Variants in RPN2 observed in about 807,000 individuals in gnomAD.
RPN2 encodes the protein dolichyl-diphosphooligosaccharide--protein glycosyltransferase subunit 2.
In RPN2, 29 loss-of-function variants were observed where a neutral mutation model predicts 71.4. That is an observed-to-expected ratio of 0.41 (90% CI 0.30 to 0.55). RPN2 has a LOEUF of 0.55. RPN2 is among the 20% of genes least tolerant of loss of function. RPN2 has a pLI of 0.35. For missense variants in RPN2, 726 were observed against 774.1 expected (o/e 0.94, Z 0.74); for synonymous variants, 308 against 305.0 (o/e 1.01, Z -0.10).
At chr20:37,236,550 AATTGG>A in intron 15 of RPN2, 25 bp from the exon 16 acceptor site, 1 of 1,613,208 alleles carries the variant, frequency 6.2e-7, no homozygotes, top group Non-Finnish European at 8.5e-7. Flanking sequence ...TGTTTCATTT[AATTGG>A]ATGTCATGAC....
intron 2 of RPN2, among the ~76,000 whole-genome samples, chr20:37,193,303 C>T (rs186592041): frequency 3.0e-4 from 45 of 152,232 alleles, no homozygotes; most frequent in Non-Finnish European, 5.4e-4. Flanking sequence ...TGTGATTGAT[C>T]TGAATTCTAA....
rs1344503069 is a variant in RPN2, at chr20:37,228,583, C to T, written c.1333C>T (p.Gln445Ter). 1.2e-6 allele frequency: 2 copies of T among 1,614,174 alleles called. No homozygotes were observed. Among genetic ancestry groups the T allele is most frequent in the South Asian group, 1.1e-5 (1 of 91,086 alleles). ...CCGACTCCATAACCAGAAGACTGGC[C>T]AGGAAGTGGTGTTTGTTGCCGAGCC... ...FVRLHNQKTG[Q>*]EVVFVAEPDN... The change falls in exon 12 of 17, where the codon CAG becomes TAG. Residue 445 changes from glutamine to a stop codon, truncating the protein, a stop_gained. Coordinates refer to ENST00000237530, the MANE Select transcript of RPN2 (RefSeq NM_002951.5). LOFTEE classifies it high-confidence loss of function.
At chr20:37,189,311 C>T (rs2067084331) in intron 2 of RPN2, among the ~76,000 whole-genome samples, 1 of 115,186 alleles carries the variant, frequency 8.7e-6, no homozygotes, top group Admixed American at 1.0e-4. Context: ...ATGGGCCAAA[C>T]TGTGTGTGTG....
At position 37,236,729 on chromosome 20, in the gene RPN2, A is replaced by T; in HGVS notation, c.1883+20A>T. 6.2e-7 allele frequency: 1 copy of T among 1,612,846 alleles called. No individual in the cohort carries two copies. The highest frequency in any genetic ancestry group is 8.5e-7 in the Non-Finnish European group (1 of 1,178,856). On this transcript the variant is annotated intron_variant, in intron 16 of 16. Coordinates refer to ENST00000237530, the MANE Select transcript of RPN2 (RefSeq NM_002951.5). ...CAAGAGGTAAGGCCAGACATGAGCCAGGGATCTAGAGTAGGGTTAGAAATA... is the reference window on the plus strand; with the variant it reads ...CAAGAGGTAAGGCCAGACATGAGCCTGGGATCTAGAGTAGGGTTAGAAATA...
rs73293748 is a variant in RPN2 at position 37,228,881 on chromosome 20, T to C, written c.1494+137T>C. ...TAAATAAGCTTGGGAGGTGAGGCACTGTGTGCAGTCTCCATAAATAGTCCT... is the reference window on the plus strand; with the variant it reads ...TAAATAAGCTTGGGAGGTGAGGCACCGTGTGCAGTCTCCATAAATAGTCCT... On this transcript the variant is annotated intron_variant, in intron 12 of 16. Coordinates refer to ENST00000237530, the MANE Select transcript of RPN2 (RefSeq NM_002951.5). 1.6e-3 allele frequency: 1,217 copies of C among 778,140 alleles called. 11 individuals carry two copies. In the African/African-American group the frequency reaches 0.018, roughly 12 times the overall value. The allele number at this position is 778,140 out of a possible 1,614,324, so 48.2% of individuals were successfully genotyped here. A position where few individuals can be genotyped will look rare whatever the true frequency, so the allele number is the denominator to read the frequency against.
intron 8 of RPN2, 115 bp downstream of exon 8, chr20:37,210,280 C>T (rs556565394): frequency 2.5e-5 from 39 of 1,560,854 alleles, no homozygotes; most frequent in South Asian, 2.3e-4. Flanking sequence ...CTACTGGTAT[C>T]GAAAGCCTAC....
intron 9 of RPN2, among the ~76,000 whole-genome samples, chr20:37,216,191 T>C (rs1165937457): frequency 6.6e-6 from 1 of 151,880 alleles, no homozygotes; most frequent in African/African-American, 2.4e-5. Context: ...ACACAAAAAG[T>C]AGCCAGGCGT....
chr20:37,190,832 C>G (rs1233936517), intron 2 of RPN2, among the ~76,000 whole-genome samples: 2 of 152,032 alleles, frequency 1.3e-5, no homozygotes, highest in African/African-American at 4.8e-5. Context: ...GTGGTGTGTG[C>G]ATTATAAGTA....
intron 2 of RPN2, among the ~76,000 whole-genome samples, chr20:37,187,920 C>A (rs1343617030): frequency 6.6e-6 from 1 of 151,916 alleles, no homozygotes; most frequent in Admixed American, 6.6e-5. Flanking sequence ...TGGGATTACA[C>A]GCGTGAGCCA....
intron 16 of RPN2, among the ~76,000 whole-genome samples, chr20:37,239,962 T>C (rs1252705148): frequency 1.3e-5 from 2 of 152,240 alleles, no homozygotes; most frequent in Admixed American, 1.3e-4. Flanking sequence ...TCTCATTATG[T>C]TGCCCAAGCT....
At chr20:37,199,421 A>G (rs746059869) in intron 4 of RPN2, among the ~76,000 whole-genome samples, 196 bp downstream of exon 4, 4 of 152,254 alleles carry the variant, frequency 2.6e-5, no homozygotes, top group Admixed American at 2.6e-4. Context: ...TGGAGCTCAC[A>G]TGGACACAGT....
chr20:37,181,754 A>G (rs2066889056), intron 1 of RPN2, among the ~76,000 whole-genome samples: 1 of 152,098 alleles, frequency 6.6e-6, no homozygotes, highest in Non-Finnish European at 1.5e-5. Flanking sequence ...GTTTCCCACC[A>G]GATATCTTTA....
intron 14 of RPN2, among the ~76,000 whole-genome samples, chr20:37,233,732 C>T (rs2068310341): frequency 6.6e-6 from 1 of 152,168 alleles, no homozygotes; most frequent in East Asian, 1.9e-4. Flanking sequence ...TTCATGGTCT[C>T]ACCTGTTTTA....
intron 1 of RPN2, chr20:37,179,701 A>G: frequency 3.4e-6 from 1 of 293,756 alleles, no homozygotes; most frequent in South Asian, 7.5e-5. Context: ...AGGCGGCCTA[A>G]GGTTCTGGTC....
intron 7 of RPN2, among the ~76,000 whole-genome samples, chr20:37,208,230 A>G (rs1484268801): frequency 6.6e-6 from 1 of 151,136 alleles, no homozygotes. Flanking sequence ...AGACTGCACC[A>G]CTGCACTCCA....
chr20:37,205,691 A>G (rs2067496329), intron 6 of RPN2, among the ~76,000 whole-genome samples: 1 of 152,152 alleles, frequency 6.6e-6, no homozygotes, highest in Non-Finnish European at 1.5e-5. Context: ...ATGTGGTCAA[A>G]TAAGTTATTC....
intron 7 of RPN2, 141 bp downstream of exon 7, chr20:37,207,590 G>A: frequency 2.4e-6 from 2 of 820,988 alleles, no homozygotes; most frequent in South Asian, 1.4e-5. Context: ...TCATTTCCCT[G>A]AGCCTTGAAA....
chr20:37,201,342 G>A (rs904957218), intron 4 of RPN2, among the ~76,000 whole-genome samples: 2 of 142,808 alleles, frequency 1.4e-5, no homozygotes, highest in Non-Finnish European at 3.0e-5. Flanking sequence ...AGTGCAATGC[G>A]ATCATATTTA....
At chr20:37,229,355 A>G (rs960702347) in intron 12 of RPN2, among the ~76,000 whole-genome samples, 1 of 152,106 alleles carries the variant, frequency 6.6e-6, no homozygotes, top group Non-Finnish European at 1.5e-5. Flanking sequence ...CTGTGGGGTG[A>G]TCATTGGGGA....
Sources: gnomAD v4.1 joint callset for allele counts (sites outside exome capture counted in the v4.1 genomes callset) on GRCh38, gnomAD v4.1.1 for gene constraint, MANE v1.5 for transcripts, NCBI Gene and HGNC (gene_info 2026-07-23, HGNC 2026-07-21) for gene names.